KIRREL3: variants seen among roughly 807,000 people sequenced by gnomAD.
KIRREL3 encodes the protein kirre like nephrin family adhesion molecule 3, also known as kin of IRRE-like protein 3.
KIRREL3 carries 36 observed loss-of-function variants against 89.7 expected under a neutral mutation model. That is an observed-to-expected ratio of 0.40 (90% CI 0.31 to 0.53). KIRREL3 has a LOEUF of 0.53. KIRREL3 is among the 20% of genes least tolerant of loss of function. The pLI, the probability that KIRREL3 is intolerant of heterozygous loss-of-function variation, is 0.49. For missense variants in KIRREL3, 864 were observed against 1,056.6 expected, an observed-to-expected ratio of 0.82 and a Z score of 2.53; for synonymous variants, 445 against 441.4, an observed-to-expected ratio of 1.01 and a Z score of -0.10.
rs1365781066 is a variant in KIRREL3, at chr11:126,484,581, C to G, written c.434-11115G>C. Among the ~76,000 whole-genome samples, 1 of 152,164 alleles carries G rather than the reference C, an allele frequency of 6.6e-6. No individual in the cohort carries two copies. The highest frequency in any genetic ancestry group is 1.5e-5 in the Non-Finnish European group (1 of 68,026). ...TTTCCAGACTTAACAAATCAAAGAA[C>G]AGTAGGCCCTGTTAAATGTAAATTT... On this transcript the variant is annotated intron_variant, in intron 4 of 16. Transcript: ENST00000525144. The surrounding 1 kb of genome is among the most constrained non-coding windows in gnomAD (Gnocchi z 5.2).
chr11:126,520,100 T>C lies in KIRREL3; in HGVS notation c.433+1215A>G, dbSNP rs1173243702. ...AAGTGGTCCTCCGGGGCCTGTCTGC[T>C]GCACTGCTTGGAATAATCTGCCCTG... On this transcript the variant is annotated intron_variant, in intron 4 of 16. Coordinates refer to ENST00000525144, the MANE Select transcript of KIRREL3 (RefSeq NM_032531.4). This position sits in a 1 kb window ranked among gnomAD's most constrained non-coding sequence, Gnocchi z 4.9. Among the ~76,000 whole-genome samples, 1 of 152,202 alleles carries C rather than the reference T, an allele frequency of 6.6e-6. No individual in the cohort carries two copies. Among genetic ancestry groups the C allele is most frequent in the African/African-American group, 2.4e-5 (1 of 41,458 alleles).
At position 126,943,863 on chromosome 11, in the gene KIRREL3, T is replaced by C. The variant is rs1289806377; in HGVS notation, c.55+56592A>G. Reference sequence around the variant, plus strand: ...GGTTTAGGAGGTGAGGGGGACATAGTATCATTCGGTTTGGTCTAGGTGGAG... The same window carrying C: ...GGTTTAGGAGGTGAGGGGGACATAGCATCATTCGGTTTGGTCTAGGTGGAG... On this transcript the variant is annotated intron_variant, in intron 1 of 16. Coordinates refer to ENST00000525144, the MANE Select transcript of KIRREL3 (RefSeq NM_032531.4). The surrounding 1 kb of genome is among the most constrained non-coding windows in gnomAD (Gnocchi z 4.2). Among the ~76,000 whole-genome samples, 6 of 152,186 alleles carry C rather than the reference T, an allele frequency of 3.9e-5. No individual in the cohort carries two copies. The highest frequency in any genetic ancestry group is 7.2e-5 in the African/African-American group (3 of 41,454).
intron 1 of KIRREL3, among the ~76,000 whole-genome samples, chr11:126,960,947 T>C (rs1468680736): frequency 6.6e-6 from 1 of 152,186 alleles, no homozygotes; most frequent in Non-Finnish European, 1.5e-5. Context: ...ATTAGGGCTA[T>C]TATGGTGATC....
At chr11:126,533,304 T>C (rs1338602365) in intron 2 of KIRREL3, among the ~76,000 whole-genome samples, 1 of 152,118 alleles carries the variant, frequency 6.6e-6, no homozygotes, top group African/African-American at 2.4e-5. Flanking sequence ...CCTCTTTGCG[T>C]CCTTATTTGG....
chr11:126,442,313 A>AACACACAC lies in KIRREL3; in HGVS notation c.1253-1772_1253-1765dup, dbSNP rs71984147. Among the ~76,000 whole-genome samples the AACACACAC allele has an allele frequency of 1.1e-3, 147 of 136,594 alleles. 1 individual carries two copies. Among genetic ancestry groups the AACACACAC allele is most frequent in the Non-Finnish European group, 1.7e-3 (112 of 64,720 alleles). 89.6% of individuals were successfully genotyped at this position (136,594 alleles called of 152,430 possible). ...AAACCCAACATGCACAGACACACAAAACACACACACACACACACACACACA... is the reference window on the plus strand; with the variant it reads ...AAACCCAACATGCACAGACACACAAAACACACACACACACACACACACACACACACACA... On this transcript the variant is annotated intron_variant, in intron 10 of 16. Transcript: ENST00000525144.
chr11:126,425,541 G>C, intron 16 of KIRREL3, 97 bp downstream of exon 16: 1 of 1,127,350 alleles, frequency 8.9e-7, no homozygotes, highest in South Asian at 1.4e-5. Context: ...TTTCTTCTCT[G>C]ACTTGCTGTC....
chr11:126,815,679 A>T (rs986218066), intron 1 of KIRREL3, among the ~76,000 whole-genome samples: 2 of 152,098 alleles, frequency 1.3e-5, no homozygotes, highest in Admixed American at 1.3e-4. Flanking sequence ...GACTACAGGC[A>T]GCCGCCACCA....
intron 1 of KIRREL3, among the ~76,000 whole-genome samples, chr11:126,929,701 C>G (rs967905922): frequency 1.6e-4 from 24 of 152,318 alleles, no homozygotes; most frequent in Admixed American, 8.5e-4. Flanking sequence ...AAAAATCCAG[C>G]CTGCCTGGAG....
Position 126,635,991 on chromosome 11 carries a change from C to T in KIRREL3, c.56-73079G>A, listed in dbSNP as rs1010822222. On this transcript the variant is annotated intron_variant, in intron 1 of 16. Coordinates refer to ENST00000525144, the MANE Select transcript of KIRREL3 (RefSeq NM_032531.4). The surrounding 1 kb of genome is among the most constrained non-coding windows in gnomAD (Gnocchi z 4.0). ...CGGGAGGGATCAGTGGAGGAAGCGA[C>T]GTGATTCCTGTAAGACTTGAATGCC... Among the ~76,000 whole-genome samples, 2 of 152,182 alleles carry T rather than the reference C, an allele frequency of 1.3e-5. No homozygotes were observed. The highest frequency in any genetic ancestry group is 2.4e-5 in the African/African-American group (1 of 41,446).
chr11:126,900,002 G>A lies in KIRREL3; in HGVS notation c.55+100453C>T, dbSNP rs1946311553. 6.6e-6 allele frequency among the ~76,000 whole-genome samples: 1 copy of A among 152,120 alleles called. No homozygotes were observed. Among genetic ancestry groups the A allele is most frequent in the Non-Finnish European group, 1.5e-5 (1 of 68,028 alleles). On this transcript the variant is annotated intron_variant, in intron 1 of 16. Coordinates refer to ENST00000525144, the MANE Select transcript of KIRREL3 (RefSeq NM_032531.4). This position sits in a 1 kb window ranked among gnomAD's most constrained non-coding sequence, Gnocchi z 4.4. The stretch of plus-strand genomic sequence containing the variant: ...TTAGTTAAGCAAATTTGGGATGAGG[G>A]GAAGTAACAAATAGTCATATTAATT...
chr11:126,968,792 G>T (rs1211708855), intron 1 of KIRREL3, among the ~76,000 whole-genome samples: 11 of 152,112 alleles, frequency 7.2e-5, no homozygotes, highest in Non-Finnish European at 1.3e-4. Flanking sequence ...AACTCTACAG[G>T]ATGGGGCTCT....
In KIRREL3 at chr11:126,750,949, A is replaced by G. The variant is rs1949315676; in HGVS notation, c.56-188037T>C. 6.6e-6 allele frequency among the ~76,000 whole-genome samples: 1 copy of G among 152,234 alleles called. No homozygotes were observed. Among genetic ancestry groups the G allele is most frequent in the Non-Finnish European group, 1.5e-5 (1 of 68,040 alleles). ...GCTAAACACATTTATAGATTTTTAT[A>G]AATCCAATTAAGTTTATTATCTTAA... On this transcript the variant is annotated intron_variant, in intron 1 of 16. Coordinates refer to ENST00000525144, the MANE Select transcript of KIRREL3 (RefSeq NM_032531.4). This position sits in a 1 kb window ranked among gnomAD's most constrained non-coding sequence, Gnocchi z 4.2.
Position 126,571,781 on chromosome 11 carries a change from T to C in KIRREL3, c.56-8869A>G, listed in dbSNP as rs1004428565. The stretch of plus-strand genomic sequence containing the variant: ...AGGGGTGGGGCGGGGGGATGTTAAA[T>C]AATGTTGGTTAAAGAATTTTACGGG... On this transcript the variant is annotated intron_variant, in intron 1 of 16. Transcript: ENST00000525144. The surrounding 1 kb of genome is among the most constrained non-coding windows in gnomAD (Gnocchi z 7.7). Among the ~76,000 whole-genome samples, 3 of 152,164 alleles carry C rather than the reference T, an allele frequency of 2.0e-5. No homozygotes were observed. The highest frequency in any genetic ancestry group is 4.4e-5 in the Non-Finnish European group (3 of 68,036).
At chr11:126,963,427 A>T (rs1949159368) in intron 1 of KIRREL3, among the ~76,000 whole-genome samples, 1 of 152,150 alleles carries the variant, frequency 6.6e-6, no homozygotes, top group African/African-American at 2.4e-5. Flanking sequence ...AATCAACTGG[A>T]AATGCATAAA....
intron 2 of KIRREL3, among the ~76,000 whole-genome samples, chr11:126,534,271 T>C (rs1372815888): frequency 5.1e-5 from 2 of 39,164 alleles, no homozygotes; most frequent in Non-Finnish European, 1.0e-4. Flanking sequence ...GTGGAAGGGG[T>C]AGGGGGCGTC....
At chr11:126,518,270 C>T (rs550089540) in intron 4 of KIRREL3, among the ~76,000 whole-genome samples, 17 of 152,234 alleles carry the variant, frequency 1.1e-4, no homozygotes, top group East Asian at 9.6e-4. Context: ...TAGGGCCCAG[C>T]GGCTCTGCGA....
chr11:126,764,009 C>T lies in KIRREL3; in HGVS notation c.56-201097G>A, dbSNP rs577691499. Among the ~76,000 whole-genome samples the T allele has an allele frequency of 2.5e-4, 38 of 152,296 alleles. 2 individuals carry two copies. The South Asian group carries it at 7.1e-3, about 28-fold the overall frequency. On this transcript the variant is annotated intron_variant, in intron 1 of 16. Transcript: ENST00000525144. This position sits in a 1 kb window ranked among gnomAD's most constrained non-coding sequence, Gnocchi z 4.2. ...TCCACAGCATAGTTCTCCCATCATT[C>T]CTTCTTTGTAGAGGGCAAGGAAAGG... is the stretch of plus-strand genomic sequence containing the variant.
chr11:126,928,986 G>C lies in KIRREL3; in HGVS notation c.55+71469C>G, dbSNP rs185410846. Among the ~76,000 whole-genome samples, 14 of 151,844 alleles carry C rather than the reference G, an allele frequency of 9.2e-5. No homozygotes were observed. In the East Asian group the frequency reaches 2.7e-3, roughly 29 times the overall value. The stretch of plus-strand genomic sequence containing the variant: ...ATAAATCAACATGGACAGAAAGAGA[G>C]AGTAAAAGAAAAGAGAGAGAAAAAT... On this transcript the variant is annotated intron_variant, in intron 1 of 16. Transcript: ENST00000525144.
rs745805898 is a variant in KIRREL3 at position 126,456,039 on chromosome 11, G to GTTTTTTT, written c.848+303_848+309dup. Among the ~76,000 whole-genome samples the GTTTTTTT allele has an allele frequency of 4.1e-3, 278 of 68,302 alleles. 13 individuals are homozygous for GTTTTTTT. The highest frequency in any genetic ancestry group is 0.019 in the Middle Eastern group (2 of 108). The allele number at this position is 68,302 out of a possible 152,430, so 44.8% of individuals were successfully genotyped here. ...GTTGTTCTGGTTTTTTTTTGTTTTC[G>GTTTTTTT]TTTTTTTTTTTTTTTTTTCCTGAGC... On this transcript the variant is annotated intron_variant, in intron 7 of 16. Transcript: ENST00000525144.
Sources: allele counts gnomAD v4.1 joint callset (sites outside exome capture counted in the v4.1 genomes callset), GRCh38; gene constraint gnomAD v4.1.1; non-coding constraint Gnocchi (gnomAD v3.1); transcripts MANE v1.5; gene names NCBI Gene and HGNC (gene_info 2026-07-23, HGNC 2026-07-21).